FUNDC1: variants seen among roughly 807,000 people sequenced by gnomAD.
FUNDC1 encodes the protein FUN14 domain-containing protein 1.
A neutral mutation model predicts 14.5 loss-of-function variants in FUNDC1; 10 were observed. The ratio of observed to expected loss-of-function variants is 0.69; its 90% CI spans 0.43 to 1.17. FUNDC1 has a LOEUF of 1.17. Ranked by LOEUF, FUNDC1 falls within the 50% of genes most tolerant of loss-of-function variation. FUNDC1 has a pLI of 0.00. For missense variants in FUNDC1, 115 were observed against 113.8 expected (o/e 1.01, Z -0.05); for synonymous variants, 33 against 39.7 (o/e 0.83, Z 0.64).
At chrX:44,524,775 G>C (rs2038894458) in intron 4 of FUNDC1, among the ~76,000 whole-genome samples, 1 of 111,258 alleles carries the variant, frequency 9.0e-6, no homozygotes, top group Admixed American at 9.7e-5. Flanking sequence ...ACTAATTGAA[G>C]GAGACTAGAG....
intron 2 of FUNDC1, among the ~76,000 whole-genome samples, chrX:44,539,295 TG>T (rs1442658372): frequency 1.8e-5 from 2 of 112,049 alleles, no homozygotes; most frequent in East Asian, 5.6e-4. Flanking sequence ...CCTTCTGCAC[TG>T]GGTTGAATGG....
In FUNDC1 at chrX:44,538,491, T is replaced by C; in HGVS notation, c.237A>G (p.Val79=). ...CCTGAAGAAGAAGAAAGCCACCACC[T>C]ACTGCAGTTGCTGCAAGTTTTCCAA... ...QKVGKLAATA[V]GGGFLLLQIA... Residue 79 remains valine, a synonymous_variant, in exon 3 of 5, where the codon GTA becomes GTG. Coordinates refer to ENST00000378045, the MANE Select transcript of FUNDC1 (RefSeq NM_173794.4). The C allele has an allele frequency of 8.3e-7, 1 of 1,207,747 alleles. No homozygotes were observed.
In FUNDC1 at chrX:44,527,268, G is replaced by A. The variant is rs2038906353; in HGVS notation, c.359C>T (p.Ala120Val). Reference protein sequence around the residue: ...KRQIKKRANKAAPEINNLIEE... With the variant: ...KRQIKKRANKVAPEINNLIEE... ...AATTAAATTGTTGATTTCAGGTGCTGCTTTGTTCGCTCGTTTCTTAATCTG... is the reference window on the plus strand; with the variant it reads ...AATTAAATTGTTGATTTCAGGTGCTACTTTGTTCGCTCGTTTCTTAATCTG... Residue 120 changes from alanine (A) to valine (V), a missense_variant, in exon 4 of 5, where the codon GCA becomes GTA. Ala to Val is a moderately conservative substitution (Grantham distance 64). Transcript: ENST00000378045. 1.7e-6 allele frequency: 2 copies of A among 1,189,392 alleles called. No individual in the cohort carries two copies. The highest frequency in any genetic ancestry group is 1.1e-6 in the Non-Finnish European group (1 of 884,194).
At chrX:44,542,143 C>A (rs1274307814) in intron 1 of FUNDC1, 42 bp from the exon 2 acceptor site, 1 of 1,034,615 alleles carries the variant, frequency 9.7e-7, no homozygotes, top group Non-Finnish European at 1.3e-6. Context: ...TAGAGTCAAT[C>A]AAAAGTCAGA....
At chrX:44,526,076 C>T (rs2038899798) in intron 4 of FUNDC1, among the ~76,000 whole-genome samples, 1 of 103,217 alleles carries the variant, frequency 9.7e-6, no homozygotes, top group Non-Finnish European at 2.0e-5. Context: ...TGCATTCCAG[C>T]CTAAGCAACA....
chrX:44,539,951 G>C (rs770523732), intron 2 of FUNDC1, among the ~76,000 whole-genome samples: 9 of 111,082 alleles, frequency 8.1e-5, no homozygotes, highest in African/African-American at 2.9e-4. Context: ...ACCAGTGTAA[G>C]CCACCGCACC....
At chrX:44,539,837 T>C (rs2038963665) in intron 2 of FUNDC1, among the ~76,000 whole-genome samples, 1 of 110,124 alleles carries the variant, frequency 9.1e-6, no homozygotes, top group Non-Finnish European at 1.9e-5. Flanking sequence ...CAGCTAATTG[T>C]TGTATTTTTA....
In FUNDC1 at chrX:44,524,211, C is replaced by A. The variant is rs764081865; in HGVS notation, c.455G>T (p.Gly152Val). 1 of 1,195,535 alleles carries A rather than the reference C, an allele frequency of 8.4e-7. No individual in the cohort carries two copies. Among genetic ancestry groups the A allele is most frequent in the Non-Finnish European group, 1.1e-6 (1 of 881,276 alleles). ...ATATTCATGTCCTTAAGATGCAAGT[C>A]CGAGCAAAAAGCCTCCCACAAATCC... Reference protein sequence around the residue: ...SSGFVGGFLLGLAS With the variant: ...SSGFVGGFLLVLAS The change falls in exon 5 of 5, where the codon GGA becomes GTA. Residue 152 changes from glycine to valine, a missense_variant. Physicochemically the swap from Gly to Val is moderately radical, Grantham distance 109 (BLOSUM62 -3). Coordinates refer to ENST00000378045, the MANE Select transcript of FUNDC1 (RefSeq NM_173794.4).
Position 44,524,193 on chromosome X carries a change from T to C in FUNDC1, c.*5A>G, listed in dbSNP as rs1403183215. The C allele has an allele frequency of 1.6e-5, 18 of 1,155,394 alleles. No homozygotes were observed. Among genetic ancestry groups the C allele is most frequent in the Non-Finnish European group, 2.1e-5 (18 of 844,429 alleles). On this transcript the variant is annotated 3_prime_UTR_variant, in exon 5 of 5. Coordinates refer to ENST00000378045, the MANE Select transcript of FUNDC1 (RefSeq NM_173794.4). ...TGAATCCGTTATGGGAGAATATTCA[T>C]GTCCTTAAGATGCAAGTCCGAGCAA...
intron 2 of FUNDC1, among the ~76,000 whole-genome samples, chrX:44,540,977 C>T (rs2038969164): frequency 9.0e-6 from 1 of 111,134 alleles, no homozygotes; most frequent in South Asian, 3.8e-4. Context: ...ACAATGAGTA[C>T]TTCTATCATA....
chrX:44,537,645 T>C (rs1211891934), intron 3 of FUNDC1, among the ~76,000 whole-genome samples: 2 of 112,252 alleles, frequency 1.8e-5, no homozygotes, highest in Non-Finnish European at 3.8e-5. Flanking sequence ...CTACACTAGT[T>C]ATTACATGAT....
intron 4 of FUNDC1, among the ~76,000 whole-genome samples, chrX:44,526,366 G>A (rs1391372839): frequency 1.8e-5 from 2 of 108,528 alleles, no homozygotes; most frequent in Non-Finnish European, 3.8e-5. Context: ...AGAGGCGAAG[G>A]TTGCAGTGAG....
In FUNDC1 at chrX:44,527,195, A is replaced by C. The variant is rs199761567; in HGVS notation, c.390+42T>G. ...CTAAGGGATACCCATTAACCAAAAA[A>C]AGGAAAAAAAAAAAAAAAGTCAAAA... On this transcript the variant is annotated intron_variant, in intron 4 of 4. Coordinates refer to ENST00000378045, the MANE Select transcript of FUNDC1 (RefSeq NM_173794.4). 2.4e-3 allele frequency: 2,596 copies of C among 1,075,058 alleles called. 56 individuals carry two copies. The African/African-American group carries it at 0.044, about 18-fold the overall frequency. The allele number at this position is 1,075,058 out of a possible 1,213,427, so 88.6% of individuals were successfully genotyped here.
At chrX:44,540,932 G>C (rs1400945154) in intron 2 of FUNDC1, among the ~76,000 whole-genome samples, 1 of 110,929 alleles carries the variant, frequency 9.0e-6, no homozygotes, top group Non-Finnish European at 1.9e-5. Flanking sequence ...TACATATCAT[G>C]AATAAATGCC....
intron 3 of FUNDC1, among the ~76,000 whole-genome samples, chrX:44,535,735 C>T (rs1256874474): frequency 1.9e-5 from 2 of 107,462 alleles, no homozygotes; most frequent in African/African-American, 6.8e-5. Flanking sequence ...CCTGTAATCC[C>T]AGCACTTTGG....
In FUNDC1 at chrX:44,524,275, C is replaced by T; in HGVS notation, c.391G>A (p.Ala131Thr). ...APEINNLIEE[A>T]TEFIKQNIVI... The stretch of plus-strand genomic sequence containing the variant: ...ATGTTCTGCTTGATAAATTCTGTTG[C>T]CTGAAACAAAGTTTAAACAAAAATA... Residue 131 changes from alanine to threonine, a missense_variant and splice_region_variant, in exon 5 of 5, where the codon GCA becomes ACA. By Grantham distance (58) the Ala-to-Thr change is moderately conservative. Transcript: ENST00000378045. The T allele has an allele frequency of 8.5e-7, 1 of 1,183,331 alleles. No individual in the cohort carries two copies. The highest frequency in any genetic ancestry group is 1.1e-6 in the Non-Finnish European group (1 of 870,914).
chrX:44,535,986 T>C lies in FUNDC1; in HGVS notation c.261+2481A>G, dbSNP rs369902538. 2.5e-3 allele frequency among the ~76,000 whole-genome samples: 207 copies of C among 82,511 alleles called. 1 individual carries two copies. Among genetic ancestry groups the C allele is most frequent in the South Asian group, 0.016 (29 of 1,830 alleles). 71.7% of individuals were successfully genotyped at this position (82,511 alleles called of 115,157 possible). On this transcript the variant is annotated intron_variant, in intron 3 of 4. Transcript: ENST00000378045. ...AGGCAACATGAGCAAAACTCTTGTC[T>C]AAAAAAAAAAAAAAAGAAGAAGAAA...
At chrX:44,536,973 T>A (rs970707720) in intron 3 of FUNDC1, among the ~76,000 whole-genome samples, 12 of 112,285 alleles carry the variant, frequency 1.1e-4, no homozygotes, top group African/African-American at 3.9e-4. Context: ...AGAAAGGTCA[T>A]AAAAATATGA....
rs563393402 is a variant in FUNDC1 at position 44,542,718 on chromosome X, G to A, written c.28+87C>T. On this transcript the variant is annotated intron_variant, in intron 1 of 4. Coordinates refer to ENST00000378045, the MANE Select transcript of FUNDC1 (RefSeq NM_173794.4). ...AAAAAATGGAGCTCGAAGAATCCTA[G>A]GGCAGGGGAAGGAAGAGGTGCCATA... is the stretch of plus-strand genomic sequence containing the variant. 585 of 926,452 alleles carry A rather than the reference G, an allele frequency of 6.3e-4. 3 individuals are homozygous for A. In the South Asian group the frequency reaches 0.012, roughly 19 times the overall value. 76.4% of individuals were successfully genotyped at this position (926,452 alleles called of 1,213,427 possible).
Sources: gnomAD v4.1 joint callset for allele counts (sites outside exome capture counted in the v4.1 genomes callset) on GRCh38, gnomAD v4.1.1 for gene constraint, MANE v1.5 for transcripts, NCBI Gene and HGNC (gene_info 2026-07-23, HGNC 2026-07-21) for gene names.